Variants in CSPP1 observed in about 807,000 individuals in gnomAD.
CSPP1 encodes centrosome and spindle pole-associated protein 1.
Under a neutral mutation model 164.4 loss-of-function variants are expected in CSPP1, and 126 were observed. The observed-to-expected ratio is 0.77, with a 90% confidence interval of 0.66 to 0.89. CSPP1 has a LOEUF of 0.89. Ranked by LOEUF, CSPP1 falls within the 40% of genes least tolerant of loss-of-function variation. The probability of loss-of-function intolerance (pLI) is 0.00; values close to 1 mark genes in which losing one functional copy is unlikely to be tolerated. For synonymous variants in CSPP1, 472 were observed against 476.7 expected, an observed-to-expected ratio of 0.99 and a Z score of 0.13; for missense variants, 1,395 against 1,449.8, an observed-to-expected ratio of 0.96 and a Z score of 0.61.
chr8:67,170,353 A>T (rs1013226523), intron 24 of CSPP1, among the ~76,000 whole-genome samples: 1 of 151,494 alleles, frequency 6.6e-6, no homozygotes, highest in African/African-American at 2.4e-5. Flanking sequence ...GCTACTTGGG[A>T]GGCTGAGGCA....
intron 13 of CSPP1, 116 bp downstream of exon 13, chr8:67,116,238 A>T: frequency 1.4e-6 from 1 of 692,922 alleles, no homozygotes; most frequent in Non-Finnish European, 2.4e-6. Flanking sequence ...TACAGTTAAC[A>T]GTTTTGTGAA....
intron 3 of CSPP1, among the ~76,000 whole-genome samples, chr8:67,085,497 C>T (rs561637616): frequency 6.6e-6 from 1 of 151,806 alleles, no homozygotes; most frequent in South Asian, 2.1e-4. Context: ...TTTTCCTAGA[C>T]TGAAAATGAT....
chr8:67,159,901 T>C (rs1340763843), intron 21 of CSPP1, among the ~76,000 whole-genome samples: 1 of 67,830 alleles, frequency 1.5e-5, no homozygotes, highest in East Asian at 3.8e-4. Context: ...TCTTTCTTTC[T>C]TTCTTTCTTT....
chr8:67,132,156 G>T, intron 16 of CSPP1, 76 bp downstream of exon 16: 2 of 1,379,622 alleles, frequency 1.4e-6, no homozygotes, highest in Non-Finnish European at 9.7e-7. Flanking sequence ...TCAGAGTGTG[G>T]CCGGGGAGGG....
At chr8:67,184,970 G>T (rs1321266384) in intron 28 of CSPP1, among the ~76,000 whole-genome samples, 1 of 146,058 alleles carries the variant, frequency 6.8e-6, no homozygotes, top group Non-Finnish European at 1.5e-5. Flanking sequence ...AAAAAAAGGT[G>T]GTGGGCACCT....
chr8:67,084,368 C>A (rs1004746761), intron 3 of CSPP1: 2 of 152,178 alleles, frequency 1.3e-5, no homozygotes, highest in African/African-American at 2.4e-5. Flanking sequence ...CTGTAAGAAT[C>A]CATAAACATC....
chr8:67,067,129 T>A (rs1805731997), intron 1 of CSPP1, among the ~76,000 whole-genome samples: 1 of 152,224 alleles, frequency 6.6e-6, no homozygotes. Context: ...TTTCCATTTC[T>A]CATGCTCCCA....
chr8:67,159,904 C>CTTTCTT (rs1827628268), intron 21 of CSPP1, among the ~76,000 whole-genome samples: 2 of 66,894 alleles, frequency 3.0e-5, no homozygotes, highest in East Asian at 7.8e-4. Context: ...TTCTTTCTTT[C>CTTTCTT]TTTCTTTCTT....
intron 6 of CSPP1, among the ~76,000 whole-genome samples, chr8:67,093,947 T>G (rs1812143922): frequency 6.6e-6 from 1 of 151,526 alleles, no homozygotes; most frequent in African/African-American, 2.4e-5. Flanking sequence ...GCTATGTTTG[T>G]TTTTTTCAAA....
intron 5 of CSPP1, among the ~76,000 whole-genome samples, chr8:67,092,598 C>G (rs1811848759): frequency 6.6e-6 from 1 of 152,238 alleles, no homozygotes; most frequent in South Asian, 2.1e-4. Flanking sequence ...CCCCTGCCAC[C>G]AAGCCCCGCT....
Position 67,132,042 on chromosome 8 carries a change from C to T in CSPP1, c.1789C>T (p.Gln597Ter). 1 of 1,613,620 alleles carries T rather than the reference C, an allele frequency of 6.2e-7. No individual in the cohort carries two copies. ...TGAAGATAAACCGAAACCTTCCAAA[C>T]AGTCACTTCAGTCTTACCAAGAGGC... ...IFEDKPKPSK[Q>*]SLQSYQEALQ... The change falls in exon 16 of 31, where the codon CAG (glutamine) becomes TAG (stop). Residue 597 changes from glutamine to a stop codon, truncating the protein, a stop_gained. Transcript: ENST00000678616. LOFTEE classifies it high-confidence loss of function.
rs1829910410 is a variant in CSPP1 at position 67,168,490 on chromosome 8, C to T, written c.2829-3926C>T. On this transcript the variant is annotated intron_variant, in intron 24 of 30. Coordinates refer to ENST00000678616, the MANE Select transcript of CSPP1 (RefSeq NM_001382391.1). The stretch of plus-strand genomic sequence containing the variant: ...AAAATTATACATGATAATTTCTACC[C>T]TTTGAGAATCTAGTGAAGAATAAAT... Among the ~76,000 whole-genome samples, 3 of 152,208 alleles carry T rather than the reference C, an allele frequency of 2.0e-5. No homozygotes were observed. In the East Asian group the frequency reaches 5.8e-4, roughly 29 times the overall value.
intron 10 of CSPP1, among the ~76,000 whole-genome samples, chr8:67,112,338 G>A (rs1817031667): frequency 6.7e-6 from 1 of 149,684 alleles, no homozygotes; most frequent in Admixed American, 6.7e-5. Flanking sequence ...TTTGATTTAA[G>A]GTAGCATTTA....
chr8:67,114,006 T>C, intron 11 of CSPP1, 144 bp downstream of exon 11: 1 of 534,344 alleles, frequency 1.9e-6, no homozygotes, highest in Non-Finnish European at 3.4e-6. Context: ...TCAGTTCTCA[T>C]AAAGTGTAAA....
At chr8:67,145,684 C>T (rs1156766524) in intron 17 of CSPP1, among the ~76,000 whole-genome samples, 1 of 151,906 alleles carries the variant, frequency 6.6e-6, no homozygotes, top group Non-Finnish European at 1.5e-5. Context: ...CACACCACCA[C>T]ACCTGGCTAA....
chr8:67,183,495 T>C (rs1226358333), intron 28 of CSPP1, among the ~76,000 whole-genome samples: 1 of 152,112 alleles, frequency 6.6e-6, no homozygotes, highest in Non-Finnish European at 1.5e-5. Flanking sequence ...AACAGAAAGA[T>C]AGCTGGAAAA....
In CSPP1 at chr8:67,172,408, A is replaced by C. The variant is rs754544892; in HGVS notation, c.2829-8A>C. 6.2e-7 allele frequency: 1 copy of C among 1,605,640 alleles called. No individual in the cohort carries two copies. The highest frequency in any genetic ancestry group is 8.5e-7 in the Non-Finnish European group (1 of 1,173,850). On this transcript the variant is annotated splice_polypyrimidine_tract_variant and splice_region_variant and intron_variant, in intron 24 of 30. Transcript: ENST00000678616. Reference sequence around the variant, plus strand: ...AAGCACATATTATGATTTGTCATTTATCTATAGGAAAAAGGAAAGGAATCC... The same window carrying C: ...AAGCACATATTATGATTTGTCATTTCTCTATAGGAAAAAGGAAAGGAATCC...
chr8:67,182,188 A>C (rs1417841669), intron 28 of CSPP1, among the ~76,000 whole-genome samples: 1 of 152,104 alleles, frequency 6.6e-6, no homozygotes, highest in Non-Finnish European at 1.5e-5. Context: ...TTTTTTGTAG[A>C]GACAGGGTTT....
intron 3 of CSPP1, among the ~76,000 whole-genome samples, chr8:67,077,779 C>G (rs1214170507): frequency 6.6e-6 from 1 of 152,150 alleles, no homozygotes; most frequent in Non-Finnish European, 1.5e-5. Context: ...TAGGTATACT[C>G]CTAAATTGTT....
Sources: gnomAD v4.1 joint callset for allele counts (sites outside exome capture counted in the v4.1 genomes callset) on GRCh38, gnomAD v4.1.1 for gene constraint, MANE v1.5 for transcripts, NCBI Gene and HGNC (gene_info 2026-07-23, HGNC 2026-07-21) for gene names.